PDE1A: variants seen among roughly 807,000 people sequenced by gnomAD.
PDE1A encodes the protein dual specificity calcium/calmodulin-dependent 3',5'-cyclic nucleotide phosphodiesterase 1A.
In PDE1A, 35 loss-of-function variants were observed where a neutral mutation model predicts 61.7. The ratio of observed to expected loss-of-function variants is 0.57; its 90% CI spans 0.43 to 0.75. The LOEUF is 0.75. PDE1A is among the 30% of genes least tolerant of loss of function. The pLI is 0.00. For missense variants in PDE1A, 597 were observed against 630.6 expected, an observed-to-expected ratio of 0.95 and a Z score of 0.57; for synonymous variants, 232 against 213.2, an observed-to-expected ratio of 1.09 and a Z score of -0.77.
At chr2:182,327,560 G>A (rs1212488742) in intron 1 of PDE1A, among the ~76,000 whole-genome samples, 5 of 152,140 alleles carry the variant, frequency 3.3e-5, no homozygotes, top group Non-Finnish European at 7.4e-5. Context: ...GGTGAGGGTA[G>A]AACCAAGTGA....
In PDE1A at chr2:182,382,704, GAA is replaced by G. The variant is rs34661945; in HGVS notation, c.53+43872_53+43873del. 2.7e-5 allele frequency among the ~76,000 whole-genome samples: 4 copies of G among 149,454 alleles called. No homozygotes were observed. The East Asian group carries it at 5.9e-4, about 22-fold the overall frequency. ...GACACACAGCTTAGTTTACTGTTTA[GAA>G]AAAAAAAAACTAAATTTTGAGGATA... On this transcript the variant is annotated intron_variant, in intron 1 of 13. Transcript: ENST00000351439.
chr2:182,291,780 C>A (rs753468857), intron 1 of PDE1A, among the ~76,000 whole-genome samples: 1 of 151,946 alleles, frequency 6.6e-6, no homozygotes, highest in Non-Finnish European at 1.5e-5. Flanking sequence ...GGGGGTCTGC[C>A]GAAAGGGCAT....
At chr2:182,478,265 C>A (rs1400012970) in intron 2 of PDE1A, among the ~76,000 whole-genome samples, 1 of 151,810 alleles carries the variant, frequency 6.6e-6, no homozygotes, top group Non-Finnish European at 1.5e-5. Flanking sequence ...AAATTTTCAA[C>A]CATCTTGTTC....
At chr2:182,478,765 AC>A (rs1344455336) in intron 2 of PDE1A, among the ~76,000 whole-genome samples, 1 of 151,810 alleles carries the variant, frequency 6.6e-6, no homozygotes, top group African/African-American at 2.4e-5. Flanking sequence ...TTTCTATATA[AC>A]TTTTCATGCC....
chr2:182,715,537 G>T, the PDE1A span, among the ~76,000 whole-genome samples: 1 of 152,096 alleles, frequency 6.6e-6, no homozygotes, highest in African/African-American at 2.4e-5. Context: ...TCTAGGCTCG[G>T]TTTTCTCTTT....
At chr2:182,429,874 C>T (rs1703842386), upstream of PDE1A, among the ~76,000 whole-genome samples, 3 of 152,070 alleles carry the variant, frequency 2.0e-5, no homozygotes, top group South Asian at 6.2e-4. Context: ...TTATGCCATC[C>T]CAAGCACTGG....
At chr2:182,454,313 G>A (rs950322493) in intron 2 of PDE1A, among the ~76,000 whole-genome samples, 5 of 152,092 alleles carry the variant, frequency 3.3e-5, no homozygotes, top group African/African-American at 1.2e-4. Flanking sequence ...TGGGTAGGAA[G>A]AATCAATATC....
chr2:182,183,856 G>C (rs1684970760), intron 13 of PDE1A, among the ~76,000 whole-genome samples: 1 of 151,918 alleles, frequency 6.6e-6, no homozygotes, highest in African/African-American at 2.4e-5. Context: ...GAAAAAAGTA[G>C]CTGAGATAAA....
chr2:182,403,416 G>A (rs371444876), intron 1 of PDE1A, among the ~76,000 whole-genome samples: 5 of 151,846 alleles, frequency 3.3e-5, no homozygotes, highest in African/African-American at 7.3e-5. Flanking sequence ...TGGCTAACAC[G>A]GTGAAACCCC....
intron 1 of PDE1A, among the ~76,000 whole-genome samples, chr2:182,311,871 G>A (rs1034006272): frequency 1.3e-5 from 2 of 152,104 alleles, no homozygotes; most frequent in African/African-American, 4.8e-5. Context: ...CAAAGTGACT[G>A]TACTATTTTG....
the PDE1A span, among the ~76,000 whole-genome samples, chr2:182,659,864 T>C: frequency 3.1e-3 from 471 of 152,330 alleles, 3 homozygotes; most frequent in African/African-American, 0.011. Flanking sequence ...AACAAAATAC[T>C]ATGAAAATGT....
chr2:182,627,560 A>G, the PDE1A span, among the ~76,000 whole-genome samples: 1 of 150,882 alleles, frequency 6.6e-6, no homozygotes, highest in East Asian at 1.9e-4. Context: ...CTAAGGAAAA[A>G]CATTGCTCAC....
At chr2:182,540,715 C>T in the PDE1A span, among the ~76,000 whole-genome samples, 1 of 152,090 alleles carries the variant, frequency 6.6e-6, no homozygotes, top group Non-Finnish European at 1.5e-5. Flanking sequence ...CATATGTACA[C>T]AGTTTGTCGA....
chr2:182,269,081 A>G (rs1692832477), intron 1 of PDE1A, among the ~76,000 whole-genome samples: 1 of 152,150 alleles, frequency 6.6e-6, no homozygotes. Context: ...ATAAAATAAT[A>G]TAAACAACAT....
chr2:182,359,053 C>G (rs901788495), intron 1 of PDE1A, among the ~76,000 whole-genome samples: 4 of 151,442 alleles, frequency 2.6e-5, no homozygotes, highest in Non-Finnish European at 5.9e-5. Context: ...CTTTACAATA[C>G]TTACTATAAT....
downstream of PDE1A, among the ~76,000 whole-genome samples, chr2:182,164,709 A>T (rs1559126758): frequency 1.3e-5 from 2 of 152,072 alleles, no homozygotes. Flanking sequence ...TAGACTGAGC[A>T]CTCACAGACC....
chr2:182,387,777 A>AAAAG (rs1198667691), intron 1 of PDE1A, among the ~76,000 whole-genome samples: 162 of 151,550 alleles, frequency 1.1e-3, no homozygotes, highest in African/African-American at 3.7e-3. Flanking sequence ...AAAGAAAGAA[A>AAAAG]AAAGAAAGAA....
At chr2:182,235,527 C>A (rs538744319) in intron 3 of PDE1A, among the ~76,000 whole-genome samples, 3 of 152,266 alleles carry the variant, frequency 2.0e-5, no homozygotes, top group East Asian at 1.9e-4. Context: ...AATATAAGAA[C>A]CCCCTCCATG....
At chr2:182,376,925 C>T (rs1364471498) in intron 1 of PDE1A, among the ~76,000 whole-genome samples, 2 of 152,126 alleles carry the variant, frequency 1.3e-5, no homozygotes, top group African/African-American at 4.8e-5. Context: ...TTTCGTGAGA[C>T]TTATTCACTG....
Sources: allele counts gnomAD v4.1 joint callset (sites outside exome capture counted in the v4.1 genomes callset), GRCh38; gene constraint gnomAD v4.1.1; transcripts MANE v1.5; gene names NCBI Gene and HGNC (gene_info 2026-07-23, HGNC 2026-07-21).